NTRK2: variants seen among roughly 807,000 people sequenced by gnomAD.
NTRK2 encodes BDNF/NT-3 growth factors receptor.
Under a neutral mutation model 94.5 loss-of-function variants are expected in NTRK2, and 13 were observed. The observed-to-expected ratio is 0.14, with a 90% CI of 0.09 to 0.22. The LOEUF (loss-of-function observed/expected upper bound fraction) is 0.22, where lower values mean the gene tolerates loss of function less well. Ranked by LOEUF, NTRK2 falls within the 10% of genes least tolerant of loss-of-function variation. The pLI is 1.00. For missense variants in NTRK2, 639 were observed against 1,071.2 expected (o/e 0.60, Z 5.63); for synonymous variants, 372 against 407.4 (o/e 0.91, Z 1.05).
intron 12 of NTRK2, among the ~76,000 whole-genome samples, chr9:84,843,772 C>A (rs898003260): frequency 6.6e-6 from 1 of 152,172 alleles, no homozygotes; most frequent in Non-Finnish European, 1.5e-5. Context: ...AAGGAGTTTA[C>A]AATCTAGCTG....
intron 2 of NTRK2, among the ~76,000 whole-genome samples, chr9:84,687,078 G>T (rs893144207): frequency 1.3e-5 from 2 of 152,030 alleles, no homozygotes; most frequent in Non-Finnish European, 2.9e-5. Context: ...TATTTGACGG[G>T]TTTTTTTCCT....
At chr9:84,900,478 A>T (rs1252006256) in intron 14 of NTRK2, among the ~76,000 whole-genome samples, 4 of 152,166 alleles carry the variant, frequency 2.6e-5, no homozygotes, top group Non-Finnish European at 4.4e-5. Flanking sequence ...GAAGTCCAGA[A>T]ACCCCATGAA....
intron 12 of NTRK2, among the ~76,000 whole-genome samples, chr9:84,795,185 G>A (rs2069163460): frequency 6.6e-6 from 1 of 152,216 alleles, no homozygotes; most frequent in African/African-American, 2.4e-5. Context: ...AGGACCTCCT[G>A]AGGGGTGGTG....
At chr9:84,774,471 C>G (rs1249422504) in intron 12 of NTRK2, among the ~76,000 whole-genome samples, 1 of 152,202 alleles carries the variant, frequency 6.6e-6, no homozygotes, top group Non-Finnish European at 1.5e-5. Flanking sequence ...ACATAAAGAA[C>G]TGGAGGCTCA....
rs1181697709 is a variant in NTRK2, at chr9:84,752,050, T to G, written c.1361T>G (p.Leu454Arg). The change falls in exon 12 of 19, where the codon CTT (leucine) becomes CGT (arginine). Residue 454 changes from leucine to arginine, a missense_variant. This residue lies in a region of NTRK2 where 343 missense variants were observed against 571.5 expected (regional missense o/e 0.60). Coordinates refer to ENST00000277120, the MANE Select transcript of NTRK2 (RefSeq NM_006180.6). ...TGCCTTTTGGTAATGCTGTTTCTGC[T>G]TAAGTTGGCAAGACACTCCAAGTTT... ...GFCLLVMLFL[L>R]KLARHSKFGM... The G allele has an allele frequency of 6.2e-7, 1 of 1,614,100 alleles. No homozygotes were observed. The highest frequency in any genetic ancestry group is 2.2e-5 in the East Asian group (1 of 44,870).
chr9:84,961,896 G>A (rs946194827), intron 17 of NTRK2, among the ~76,000 whole-genome samples: 1 of 152,220 alleles, frequency 6.6e-6, no homozygotes. Context: ...CATTTGCAAG[G>A]AGGCCCTAGG....
chr9:84,958,341 C>T (rs56405676), intron 17 of NTRK2, among the ~76,000 whole-genome samples: 15,961 of 152,168 alleles, frequency 0.1, 1,332 homozygotes, highest in African/African-American at 0.23. Context: ...AAATTAATCT[C>T]GGTCATTTAT....
chr9:84,874,161 T>A (rs2132135244), intron 14 of NTRK2: 1 of 1,065,152 alleles, frequency 9.4e-7, no homozygotes, highest in African/African-American at 1.6e-5. Flanking sequence ...GATTGGCCAC[T>A]CTTGCATGTG....
At chr9:84,732,294 C>T (rs1460475894) in intron 9 of NTRK2, among the ~76,000 whole-genome samples, 1 of 152,206 alleles carries the variant, frequency 6.6e-6, no homozygotes, top group Admixed American at 6.5e-5. Context: ...CCCCTTGTTG[C>T]ACATTTGAAT....
intron 13 of NTRK2, among the ~76,000 whole-genome samples, chr9:84,863,932 C>T (rs963066026): frequency 5.9e-5 from 9 of 152,136 alleles, no homozygotes; most frequent in Non-Finnish European, 1.3e-4. Flanking sequence ...AGAGCTCATT[C>T]CCTTGCAATC....
chr9:84,878,383 C>G (rs1452107958), intron 14 of NTRK2, among the ~76,000 whole-genome samples: 2 of 152,054 alleles, frequency 1.3e-5, no homozygotes, highest in Admixed American at 1.3e-4. Context: ...CGTCTGTAAT[C>G]CCAGCACTTT....
chr9:84,908,674 G>A (rs2077149614), intron 14 of NTRK2, among the ~76,000 whole-genome samples: 1 of 152,104 alleles, frequency 6.6e-6, no homozygotes, highest in Admixed American at 6.6e-5. Flanking sequence ...GGGTATTTAT[G>A]GATAAATAAT....
rs116368780 is a variant in NTRK2 at position 84,731,192 on chromosome 9, T to G, written c.1159+3233T>G. Among the ~76,000 whole-genome samples, 1,472 of 152,280 alleles carry G rather than the reference T, an allele frequency of 9.7e-3. 21 individuals are homozygous for G. Among genetic ancestry groups the G allele is most frequent in the African/African-American group, 0.034 (1,401 of 41,550 alleles). On this transcript the variant is annotated intron_variant, in intron 9 of 18. Coordinates refer to ENST00000277120, the MANE Select transcript of NTRK2 (RefSeq NM_006180.6). Reference sequence around the variant, plus strand: ...GCTCATGTTTGTAATCCCAGAACTTTGGGAAGCTGAAGTGGGCAGATCGCT... The same window carrying G: ...GCTCATGTTTGTAATCCCAGAACTTGGGGAAGCTGAAGTGGGCAGATCGCT...
intron 5 of NTRK2, among the ~76,000 whole-genome samples, chr9:84,709,034 A>G (rs1307684448): frequency 6.6e-6 from 1 of 152,252 alleles, no homozygotes; most frequent in East Asian, 1.9e-4. Context: ...ATTCTTCTTG[A>G]AGCATATTTA....
At chr9:84,692,972 T>G (rs554395413) in intron 2 of NTRK2, among the ~76,000 whole-genome samples, 1 of 152,308 alleles carries the variant, frequency 6.6e-6, no homozygotes, top group South Asian at 2.1e-4. Context: ...TTGCTCAAGA[T>G]GGAACCAATT....
At position 84,931,466 on chromosome 9, in the gene NTRK2, T is replaced by C. The variant is rs1006777606; in HGVS notation, c.1634-2696T>C. 7.9e-5 allele frequency among the ~76,000 whole-genome samples: 12 copies of C among 151,644 alleles called. 1 individual carries two copies. Among genetic ancestry groups the C allele is most frequent in the East Asian group, 1.9e-4 (1 of 5,176 alleles). ...ATTTATTCCATTTAGAGAGAATACA[T>C]TGGCAAAAGGACACTGCTCAGATTA... On this transcript the variant is annotated intron_variant, in intron 14 of 18. Transcript: ENST00000277120.
chr9:84,991,869 C>A (rs533027085), intron 17 of NTRK2, among the ~76,000 whole-genome samples: 1 of 152,144 alleles, frequency 6.6e-6, no homozygotes, highest in African/African-American at 2.4e-5. Flanking sequence ...ACCTCCCAGC[C>A]GTGCACCTGT....
At chr9:84,978,120 A>G (rs1355898962) in intron 17 of NTRK2, among the ~76,000 whole-genome samples, 1 of 152,208 alleles carries the variant, frequency 6.6e-6, no homozygotes, top group Non-Finnish European at 1.5e-5. Context: ...CAAACCTCCA[A>G]GTTTTCAAGT....
At chr9:84,827,542 CA>C (rs370386536) in intron 12 of NTRK2, among the ~76,000 whole-genome samples, 1 of 152,124 alleles carries the variant, frequency 6.6e-6, no homozygotes, top group African/African-American at 2.4e-5. Context: ...TAAATGTTGG[CA>C]AACAATGTAC....
Sources: gnomAD v4.1 joint callset for allele counts (sites outside exome capture counted in the v4.1 genomes callset) on GRCh38, gnomAD v4.1.1 for gene constraint, gnomAD v4.1.1 regional missense constraint, MANE v1.5 for transcripts, NCBI Gene and HGNC (gene_info 2026-07-23, HGNC 2026-07-21) for gene names.